Variants in SPAG16 observed in about 807,000 individuals in gnomAD.
The protein encoded by SPAG16 is sperm-associated antigen 16 protein.
In SPAG16, 86 loss-of-function variants were observed where a neutral mutation model predicts 80.4. The observed-to-expected ratio is 1.07, with a 90% CI of 0.90 to 1.28. The LOEUF is 1.28. Among genes scored for constraint, SPAG16 ranks in the 50% most tolerant of loss-of-function variants. The probability of loss-of-function intolerance (pLI) is 0.00; values close to 1 mark genes in which losing one functional copy is unlikely to be tolerated. For synonymous variants in SPAG16, 294 were observed against 265.9 expected, an observed-to-expected ratio of 1.11 and a Z score of -1.03; for missense variants, 870 against 765.3, an observed-to-expected ratio of 1.14 and a Z score of -1.61.
At chr2:213,723,483 A>G (rs1285699910) in intron 10 of SPAG16, among the ~76,000 whole-genome samples, 1 of 152,158 alleles carries the variant, frequency 6.6e-6, no homozygotes, top group Admixed American at 6.5e-5. Flanking sequence ...AATTACCACA[A>G]AGGATCAAAT....
At chr2:214,200,974 C>T (rs2057992768) in intron 15 of SPAG16, among the ~76,000 whole-genome samples, 2 of 152,164 alleles carry the variant, frequency 1.3e-5, no homozygotes, top group Admixed American at 6.5e-5. Flanking sequence ...AGAGTTGCTT[C>T]TTCCGGCCAA....
chr2:213,465,493 GTCATGT>G (rs2072633166), intron 9 of SPAG16, among the ~76,000 whole-genome samples: 1 of 152,212 alleles, frequency 6.6e-6, no homozygotes. Context: ...TCTGTTCACA[GTCATGT>G]TCAGGCTTCC....
chr2:214,123,481 G>C (rs942489868), intron 14 of SPAG16, among the ~76,000 whole-genome samples: 1 of 151,992 alleles, frequency 6.6e-6, no homozygotes, highest in African/African-American at 2.4e-5. Context: ...CAGTTCAGTA[G>C]TGAAATTTCT....
intron 15 of SPAG16, among the ~76,000 whole-genome samples, chr2:214,201,477 G>A (rs2058007787): frequency 6.6e-6 from 1 of 152,100 alleles, no homozygotes; most frequent in African/African-American, 2.4e-5. Context: ...CCTACATGTG[G>A]TTTGCATTTG....
At chr2:213,776,728 A>G (rs1025407505) in intron 10 of SPAG16, among the ~76,000 whole-genome samples, 13 of 152,044 alleles carry the variant, frequency 8.6e-5, no homozygotes, top group Admixed American at 1.3e-4. Context: ...TTTTACAGAC[A>G]TTACTTTTAG....
intron 13 of SPAG16, among the ~76,000 whole-genome samples, chr2:214,038,615 A>G (rs1242864650): frequency 2.6e-5 from 4 of 151,970 alleles, no homozygotes. Flanking sequence ...ATATATATAC[A>G]TGTGCCATGT....
At chr2:213,690,948 G>C (rs1203054034) in intron 10 of SPAG16, among the ~76,000 whole-genome samples, 1 of 152,050 alleles carries the variant, frequency 6.6e-6, no homozygotes, top group African/African-American at 2.4e-5. Flanking sequence ...CATATAGATA[G>C]ATACAGATAT....
At chr2:214,213,368 A>G (rs2058347322) in intron 15 of SPAG16, among the ~76,000 whole-genome samples, 1 of 152,176 alleles carries the variant, frequency 6.6e-6, no homozygotes, top group African/African-American at 2.4e-5. Context: ...GACTTCACAG[A>G]ACTCCATACA....
intron 10 of SPAG16, among the ~76,000 whole-genome samples, chr2:213,644,977 G>T (rs1205001168): frequency 6.6e-6 from 1 of 152,208 alleles, no homozygotes; most frequent in African/African-American, 2.4e-5. Flanking sequence ...TGGTTCCAAA[G>T]GCACTGTCCA....
At chr2:213,489,331 A>G (rs867824679) in intron 9 of SPAG16, among the ~76,000 whole-genome samples, 5 of 152,058 alleles carry the variant, frequency 3.3e-5, no homozygotes, top group Admixed American at 6.5e-5. Flanking sequence ...TTTCTCATGG[A>G]CTGAAAATGC....
intron 10 of SPAG16, among the ~76,000 whole-genome samples, chr2:213,667,754 C>T (rs1008224094): frequency 8.6e-5 from 13 of 151,992 alleles, no homozygotes; most frequent in Non-Finnish European, 1.0e-4. Flanking sequence ...CTAAAAAAAT[C>T]GGCAAGTCAT....
In SPAG16 at chr2:214,269,937, C is replaced by T. The variant is rs79815203; in HGVS notation, c.1720+120671C>T. ...TTAAAGGCAAATGTTATTTCCTGATCGAGATCTTATAATGAATTAATGCCA... is the reference window on the plus strand; with the variant it reads ...TTAAAGGCAAATGTTATTTCCTGATTGAGATCTTATAATGAATTAATGCCA... On this transcript the variant is annotated intron_variant, in intron 15 of 15. Transcript: ENST00000331683. 6.6e-4 allele frequency among the ~76,000 whole-genome samples: 97 copies of T among 147,654 alleles called. 1 individual carries two copies. Among genetic ancestry groups the T allele is most frequent in the African/African-American group, 2.1e-3 (85 of 41,388 alleles).
At chr2:214,105,399 T>C (rs2053330748) in intron 13 of SPAG16, among the ~76,000 whole-genome samples, 1 of 152,186 alleles carries the variant, frequency 6.6e-6, no homozygotes, top group Non-Finnish European at 1.5e-5. Flanking sequence ...TGTGCATTAT[T>C]ATCTCAATTA....
At chr2:213,822,292 G>T (rs1211861481) in intron 10 of SPAG16, among the ~76,000 whole-genome samples, 1 of 151,970 alleles carries the variant, frequency 6.6e-6, no homozygotes, top group African/African-American at 2.4e-5. Context: ...GCATTTCATC[G>T]ATCTTTTTAT....
intron 10 of SPAG16, among the ~76,000 whole-genome samples, chr2:213,620,298 T>G (rs2061731499): frequency 7.6e-6 from 1 of 132,024 alleles, no homozygotes; most frequent in East Asian, 2.1e-4. Context: ...TTTTTTTTTT[T>G]TTTTTTTTTT....
intron 10 of SPAG16, among the ~76,000 whole-genome samples, chr2:213,722,653 C>T (rs934061854): frequency 4.6e-5 from 7 of 151,998 alleles, no homozygotes; most frequent in South Asian, 4.1e-4. Context: ...GATTATGATG[C>T]GGTTTAGGAC....
chr2:213,719,162 A>C (rs1401774264), intron 10 of SPAG16, among the ~76,000 whole-genome samples: 2 of 152,092 alleles, frequency 1.3e-5, no homozygotes, highest in African/African-American at 4.8e-5. Flanking sequence ...CAAGGTTTGT[A>C]AATACACCAA....
Position 213,525,284 on chromosome 2 carries a change from CTTTT to C in SPAG16, c.1070+35213_1070+35216del, listed in dbSNP as rs71060436. Among the ~76,000 whole-genome samples the C allele has an allele frequency of 3.0e-5, 3 of 100,318 alleles. No homozygotes were observed. In the South Asian group the frequency reaches 1.0e-3, roughly 34 times the overall value. 65.8% of individuals were successfully genotyped at this position (100,318 alleles called of 152,430 possible). On this transcript the variant is annotated intron_variant, in intron 10 of 15. Coordinates refer to ENST00000331683, the MANE Select transcript of SPAG16 (RefSeq NM_024532.5). ...AATCAATTAAACCTCTTTTCCTTTT[CTTTT>C]TTTTTTTTTTTTTTTTTTGAGACAG... is the stretch of plus-strand genomic sequence containing the variant.
At chr2:213,520,007 AT>A (rs913040899) in intron 10 of SPAG16, among the ~76,000 whole-genome samples, 7 of 152,082 alleles carry the variant, frequency 4.6e-5, no homozygotes, top group African/African-American at 1.7e-4. Context: ...GCACAAACAC[AT>A]ACACATATGC....
Sources: allele counts gnomAD v4.1 joint callset (sites outside exome capture counted in the v4.1 genomes callset), GRCh38; gene constraint gnomAD v4.1.1; transcripts MANE v1.5; gene names NCBI Gene and HGNC (gene_info 2026-07-23, HGNC 2026-07-21).